Variants in MMP17 observed in about 807,000 individuals in gnomAD.
The protein encoded by MMP17 is matrix metallopeptidase 17.
MMP17 carries 54 observed loss-of-function variants against 49.1 expected under a neutral mutation model. The observed-to-expected ratio is 1.10, with a 90% CI of 0.88 to 1.38. MMP17 has a LOEUF of 1.38. Among genes scored for constraint, MMP17 ranks in the 40% most tolerant of loss-of-function variants. The pLI is 0.00. For synonymous variants in MMP17, 397 were observed against 383.1 expected (o/e 1.04, Z -0.42); for missense variants, 837 against 853.7 (o/e 0.98, Z 0.24).
chr12:131,844,921 A>C, intron 6 of MMP17, 197 bp from the exon 7 acceptor site: 1 of 595,714 alleles, frequency 1.7e-6, no homozygotes, highest in East Asian at 2.8e-5. Flanking sequence ...CAGAGCGTAG[A>C]TCTCGGCCCC....
chr12:131,840,795 C>A lies in MMP17; in HGVS notation c.645C>A (p.His215Gln). ...GTVAHAFFPGHHHTAGDTHFD... is the reference protein window; with the variant it reads ...GTVAHAFFPGQHHTAGDTHFD... Reference sequence around the variant, plus strand: ...TGGCCCACGCCTTCTTCCCCGGCCACCACCACACCGCCGGGGACACCCACT... The same window carrying A: ...TGGCCCACGCCTTCTTCCCCGGCCAACACCACACCGCCGGGGACACCCACT... The change falls in exon 4 of 10, where the codon CAC (histidine) becomes CAA (glutamine). Residue 215 changes from histidine (H) to glutamine (Q), a missense_variant. His to Gln is a conservative substitution (Grantham distance 24, BLOSUM62 0). Coordinates refer to ENST00000360564, the MANE Select transcript of MMP17 (RefSeq NM_016155.7). 1 of 1,606,520 alleles carries A rather than the reference C, an allele frequency of 6.2e-7. No homozygotes were observed. Among genetic ancestry groups the A allele is most frequent in the Non-Finnish European group, 8.5e-7 (1 of 1,179,770 alleles).
chr12:131,832,569 C>T (rs1010030677), intron 1 of MMP17, among the ~76,000 whole-genome samples: 13 of 151,982 alleles, frequency 8.6e-5, no homozygotes, highest in Non-Finnish European at 1.8e-4. Context: ...GCATGCAGGG[C>T]GGCGTTTCTG....
At chr12:131,828,764 G>T in intron 1 of MMP17, 111 bp downstream of exon 1, 1 of 172,518 alleles carries the variant, frequency 5.8e-6, no homozygotes, top group Admixed American at 6.3e-5. Flanking sequence ...GGCGTCGCGC[G>T]GGAGCCCTGG....
intron 3 of MMP17, among the ~76,000 whole-genome samples, chr12:131,839,145 C>A (rs2136321593): frequency 6.6e-6 from 1 of 152,270 alleles, no homozygotes; most frequent in African/African-American, 2.4e-5. Flanking sequence ...TTCTATCCAG[C>A]TGTGCAGTTG....
intron 1 of MMP17, among the ~76,000 whole-genome samples, chr12:131,836,612 G>A (rs1408735789): frequency 2.0e-5 from 3 of 151,194 alleles, no homozygotes; most frequent in Non-Finnish European, 4.4e-5. Context: ...CATATGATTT[G>A]GCCAATGAAT....
chr12:131,828,431 G>T lies in MMP17; in HGVS notation c.-64G>T. ...CGCCGCGGAGAGCGGAGGGCGCCGGGCTGCGGAACGCGAAGCGGAGGGCGC... is the reference window on the plus strand; with the variant it reads ...CGCCGCGGAGAGCGGAGGGCGCCGGTCTGCGGAACGCGAAGCGGAGGGCGC... On this transcript the variant is annotated 5_prime_UTR_variant, in exon 1 of 10. Transcript: ENST00000360564. 1.1e-6 allele frequency: 1 copy of T among 924,196 alleles called. No homozygotes were observed. Among genetic ancestry groups the T allele is most frequent in the Non-Finnish European group, 1.3e-6 (1 of 774,086 alleles). 57.2% of individuals were successfully genotyped at this position (924,196 alleles called of 1,614,324 possible).
intron 1 of MMP17, among the ~76,000 whole-genome samples, chr12:131,837,789 CA>C (rs1429861174): frequency 1.3e-5 from 2 of 152,334 alleles, no homozygotes; most frequent in African/African-American, 4.8e-5. Context: ...CGGCTCACTG[CA>C]AGCTCCGCCT....
chr12:131,831,442 T>A (rs1221663844), intron 1 of MMP17, among the ~76,000 whole-genome samples: 1 of 152,092 alleles, frequency 6.6e-6, no homozygotes, highest in Non-Finnish European at 1.5e-5. Flanking sequence ...TCCTGGCTTC[T>A]GCCGGTGGCC....
chr12:131,849,798 C>G lies in MMP17; in HGVS notation c.1205-4C>G, dbSNP rs767977765. The G allele has an allele frequency of 5.0e-6, 8 of 1,607,828 alleles. No individual in the cohort carries two copies. The highest frequency in any genetic ancestry group is 6.8e-6 in the Non-Finnish European group (8 of 1,175,412). On this transcript the variant is annotated splice_polypyrimidine_tract_variant and splice_region_variant and intron_variant, in intron 8 of 9. Coordinates refer to ENST00000360564, the MANE Select transcript of MMP17 (RefSeq NM_016155.7). ...CGGCCCACAGCTGTTTCTCTCGCCC[C>G]CAGGAGACAGGTACTGGGTGTTCAA...
Position 131,833,542 on chromosome 12 carries a change from G to A in MMP17, c.160-4653G>A, listed in dbSNP as rs986422806. Among the ~76,000 whole-genome samples the A allele has an allele frequency of 5.3e-5, 8 of 152,342 alleles. No individual in the cohort carries two copies. The East Asian group carries it at 1.4e-3, about 26-fold the overall frequency. On this transcript the variant is annotated intron_variant, in intron 1 of 9. Transcript: ENST00000360564. Reference sequence around the variant, plus strand: ...AGCCCCCAGAGGAGGCCGGTGCAGGGGAACCCCGCATGGCTGAGTGGGTCA... The same window carrying A: ...AGCCCCCAGAGGAGGCCGGTGCAGGAGAACCCCGCATGGCTGAGTGGGTCA...
chr12:131,850,116 G>A, intron 9 of MMP17, 57 bp downstream of exon 9: 1 of 1,532,824 alleles, frequency 6.5e-7, no homozygotes, highest in Non-Finnish European at 8.8e-7. Flanking sequence ...CCAGGAGAGG[G>A]GCATCACTAC....
chr12:131,834,940 T>A (rs965042979), intron 1 of MMP17, among the ~76,000 whole-genome samples: 2 of 152,198 alleles, frequency 1.3e-5, no homozygotes, highest in African/African-American at 4.8e-5. Flanking sequence ...ACAGGACAGG[T>A]CAGGGCTGGG....
intron 1 of MMP17, among the ~76,000 whole-genome samples, chr12:131,836,727 C>T (rs1175946357): frequency 1.3e-5 from 2 of 152,086 alleles, no homozygotes; most frequent in Admixed American, 6.5e-5. Flanking sequence ...AGCACATCAC[C>T]CCTGGCTTGT....
Position 131,840,572 on chromosome 12 carries a change from G to C in MMP17, c.423-1G>C. On this transcript the variant is annotated splice_acceptor_variant, in intron 3 of 9. Transcript: ENST00000360564. LOFTEE classifies it high-confidence loss of function. ...CACTCTGGGCTGACCCCTGCCTGCA[G>C]GGTCCGGACGTTCCCACGGGACTCA... The C allele has an allele frequency of 6.3e-7, 1 of 1,576,344 alleles. No homozygotes were observed. Among genetic ancestry groups the C allele is most frequent in the Non-Finnish European group, 8.6e-7 (1 of 1,159,188 alleles).
At chr12:131,830,934 T>C (rs1886760930) in intron 1 of MMP17, among the ~76,000 whole-genome samples, 2 of 152,342 alleles carry the variant, frequency 1.3e-5, no homozygotes, top group East Asian at 3.9e-4. Flanking sequence ...TTTCTGTGTT[T>C]TGAGTACGAC....
chr12:131,835,378 A>G (rs528948906), intron 1 of MMP17, among the ~76,000 whole-genome samples: 8 of 152,216 alleles, frequency 5.3e-5, no homozygotes, highest in South Asian at 4.2e-4. Flanking sequence ...CTGCAACTAA[A>G]CCACCTGCTT....
At chr12:131,848,138 T>C (rs10751703) in intron 8 of MMP17, among the ~76,000 whole-genome samples, 151,949 of 152,274 alleles carry the variant, frequency 1, 75,813 homozygotes, top group Middle Eastern at 1. Flanking sequence ...CAGGCTGCAG[T>C]GCAGTGGTGT....
rs12322870 is a variant in MMP17, at chr12:131,841,881, C to T, written c.883+81C>T. The stretch of plus-strand genomic sequence containing the variant: ...CAGGCACCCCTGAGCAGAGCCCCCC[C>T]GGGAGGGTTTGCTCTCCCCGCTGTT... On this transcript the variant is annotated intron_variant, in intron 5 of 9. Transcript: ENST00000360564. 2.4e-4 allele frequency: 336 copies of T among 1,428,990 alleles called. 4 individuals are homozygous for T. In the South Asian group the frequency reaches 2.7e-3, roughly 11 times the overall value. 88.5% of individuals were successfully genotyped at this position (1,428,990 alleles called of 1,614,324 possible).
At chr12:131,830,944 C>T (rs1490706266) in intron 1 of MMP17, among the ~76,000 whole-genome samples, 2 of 152,212 alleles carry the variant, frequency 1.3e-5, no homozygotes, top group African/African-American at 4.8e-5. Flanking sequence ...TTGAGTACGA[C>T]ATACAGCGAG....
Sources: allele counts gnomAD v4.1 joint callset (sites outside exome capture counted in the v4.1 genomes callset), GRCh38; gene constraint gnomAD v4.1.1; transcripts MANE v1.5; gene names NCBI Gene and HGNC (gene_info 2026-07-23, HGNC 2026-07-21).